CPNE4: variants seen among roughly 807,000 people sequenced by gnomAD.
CPNE4 encodes the protein copine-4.
In CPNE4, 25 loss-of-function variants were observed where a neutral mutation model predicts 67.9. That is an observed-to-expected ratio of 0.37 (90% CI 0.27 to 0.51). CPNE4 has a LOEUF of 0.51. Among genes scored for constraint, CPNE4 ranks in the 20% least tolerant of loss-of-function variants. The pLI is 0.93. For synonymous variants in CPNE4, 242 were observed against 244.9 expected, an observed-to-expected ratio of 0.99 and a Z score of 0.11; for missense variants, 464 against 690.8, an observed-to-expected ratio of 0.67 and a Z score of 3.68.
At chr3:131,678,038 T>C (rs2080632286) in intron 6 of CPNE4, among the ~76,000 whole-genome samples, 1 of 152,194 alleles carries the variant, frequency 6.6e-6, no homozygotes, top group Admixed American at 6.6e-5. Context: ...CCCATTTTAA[T>C]GATACTGATT....
chr3:131,556,943 CTTA>C (rs1056878758), intron 11 of CPNE4, among the ~76,000 whole-genome samples: 35 of 152,216 alleles, frequency 2.3e-4, no homozygotes, highest in Admixed American at 1.8e-3. Flanking sequence ...GCTTCACCTA[CTTA>C]TTATTTCCAT....
chr3:131,695,182 T>A (rs1199980102), intron 5 of CPNE4, among the ~76,000 whole-genome samples: 1 of 152,196 alleles, frequency 6.6e-6, no homozygotes, highest in African/African-American at 2.4e-5. Context: ...TCTGAATTAC[T>A]AAGGATCTGG....
At chr3:131,903,222 G>A (rs2088617188) in intron 2 of CPNE4, among the ~76,000 whole-genome samples, 1 of 151,962 alleles carries the variant, frequency 6.6e-6, no homozygotes, top group African/African-American at 2.4e-5. Context: ...TTGGTCCAAG[G>A]GATCCAAAAC....
intron 1 of CPNE4, among the ~76,000 whole-genome samples, chr3:131,958,269 G>C (rs1033065967): frequency 2.6e-5 from 4 of 152,222 alleles, no homozygotes; most frequent in East Asian, 1.9e-4. Context: ...ACTTTTCCCA[G>C]TTCTTGCCCT....
At chr3:131,772,787 TA>T (rs1364601305) in intron 2 of CPNE4, among the ~76,000 whole-genome samples, 1 of 152,130 alleles carries the variant, frequency 6.6e-6, no homozygotes, top group East Asian at 1.9e-4. Flanking sequence ...TTATGATTTA[TA>T]GACTACATCA....
In CPNE4 at chr3:131,696,635, A is replaced by C. The variant is rs1419587481; in HGVS notation, c.433-19T>G. On this transcript the variant is annotated intron_variant, in intron 4 of 15. Coordinates refer to ENST00000429747, the MANE Select transcript of CPNE4 (RefSeq NM_130808.3). ...CAATCACCTAAAGGAAAAAGCACAC[A>C]TCAGCTGCAATAGAGGGTGAACTCC... is the stretch of plus-strand genomic sequence containing the variant. 1 of 1,610,590 alleles carries C rather than the reference A, an allele frequency of 6.2e-7. No homozygotes were observed. Among genetic ancestry groups the C allele is most frequent in the African/African-American group, 1.3e-5 (1 of 74,874 alleles).
chr3:131,720,856 A>G (rs991041329), intron 3 of CPNE4, among the ~76,000 whole-genome samples: 46 of 152,294 alleles, frequency 3.0e-4, no homozygotes, highest in African/African-American at 1.1e-3. Flanking sequence ...TGGAAAAACC[A>G]AATGAAGATG....
At chr3:131,753,568 GA>G (rs1206890846) in intron 2 of CPNE4, among the ~76,000 whole-genome samples, 3 of 152,070 alleles carry the variant, frequency 2.0e-5, no homozygotes, top group African/African-American at 7.2e-5. Flanking sequence ...ATAAAATGTT[GA>G]AAATTGTTAA....
intron 6 of CPNE4, among the ~76,000 whole-genome samples, chr3:131,674,084 G>C (rs1277374192): frequency 6.6e-6 from 1 of 151,778 alleles, no homozygotes; most frequent in Non-Finnish European, 1.5e-5. Flanking sequence ...TATGATTTTT[G>C]TCCTTCATTC....
chr3:131,635,497 G>T (rs2079355048), intron 7 of CPNE4, among the ~76,000 whole-genome samples: 1 of 152,140 alleles, frequency 6.6e-6, no homozygotes, highest in South Asian at 2.1e-4. Flanking sequence ...CTCTTTAAAT[G>T]TAAATTCATT....
chr3:131,721,810 C>T (rs1012690165), intron 3 of CPNE4, among the ~76,000 whole-genome samples: 6 of 152,186 alleles, frequency 3.9e-5, no homozygotes, highest in Admixed American at 1.3e-4. Context: ...CCATTTTAAT[C>T]ATTTTTAAAT....
chr3:131,578,236 T>A (rs1937600181), intron 9 of CPNE4, among the ~76,000 whole-genome samples: 1 of 152,200 alleles, frequency 6.6e-6, no homozygotes, highest in Non-Finnish European at 1.5e-5. Flanking sequence ...TTTTCATTAT[T>A]ATTGTATCTA....
intron 11 of CPNE4, among the ~76,000 whole-genome samples, chr3:131,559,867 A>C (rs1936669463): frequency 6.6e-6 from 1 of 152,074 alleles, no homozygotes; most frequent in South Asian, 2.1e-4. Context: ...AGAGTTATGT[A>C]AGAGTTTTAT....
At chr3:131,709,164 T>C (rs2081497462) in intron 3 of CPNE4, among the ~76,000 whole-genome samples, 1 of 151,784 alleles carries the variant, frequency 6.6e-6, no homozygotes, top group African/African-American at 2.4e-5. Flanking sequence ...TCAATGGTGG[T>C]GATTTTATTT....
chr3:131,961,352 G>A (rs774662286), intron 1 of CPNE4, among the ~76,000 whole-genome samples: 21 of 152,098 alleles, frequency 1.4e-4, no homozygotes, highest in Non-Finnish European at 2.9e-4. Flanking sequence ...GAATCACCCT[G>A]AGCCTGTTTT....
intron 2 of CPNE4, among the ~76,000 whole-genome samples, chr3:131,779,471 G>A (rs566886817): frequency 3.7e-4 from 56 of 152,030 alleles, no homozygotes; most frequent in South Asian, 1.0e-3. Context: ...CATGGTACTC[G>A]TAGAAAAAAA....
chr3:131,704,110 T>C (rs1208228582), intron 3 of CPNE4, among the ~76,000 whole-genome samples: 5 of 152,184 alleles, frequency 3.3e-5, no homozygotes, highest in African/African-American at 1.2e-4. Context: ...TGCAAACTCC[T>C]AGTACAATTA....
At chr3:131,780,614 A>G (rs185294504) in intron 2 of CPNE4, among the ~76,000 whole-genome samples, 16 of 152,240 alleles carry the variant, frequency 1.1e-4, no homozygotes, top group Admixed American at 8.5e-4. Flanking sequence ...TGGGAGCTAA[A>G]CACTGAGAAC....
rs1200588246 is a variant in CPNE4 at position 131,598,067 on chromosome 3, C to T, written c.682-10485G>A. ...GGAGGCAATTGAACTGAATAATATG[C>T]TTTAATGGTTGTTGACATGGGTTGT... On this transcript the variant is annotated intron_variant, in intron 7 of 15. Coordinates refer to ENST00000429747, the MANE Select transcript of CPNE4 (RefSeq NM_130808.3). 2.0e-5 allele frequency among the ~76,000 whole-genome samples: 3 copies of T among 152,156 alleles called. No individual in the cohort carries two copies. The East Asian group carries it at 5.8e-4, about 29-fold the overall frequency.
Sources: gnomAD v4.1 joint callset for allele counts (sites outside exome capture counted in the v4.1 genomes callset) on GRCh38, gnomAD v4.1.1 for gene constraint, MANE v1.5 for transcripts, NCBI Gene and HGNC (gene_info 2026-07-23, HGNC 2026-07-21) for gene names.